Variants in SRL observed in about 807,000 individuals in gnomAD.
SRL encodes the protein sarcalumenin.
In SRL, 23 loss-of-function variants were observed where a neutral mutation model predicts 39.5. The ratio of observed to expected loss-of-function variants is 0.58; its 90% CI spans 0.42 to 0.82. The LOEUF (loss-of-function observed/expected upper bound fraction) is 0.82. Among genes scored for constraint, SRL ranks in the 40% least tolerant of loss-of-function variants. SRL has a pLI of 0.00. For missense variants in SRL, 592 were observed against 607.8 expected, an observed-to-expected ratio of 0.97 and a Z score of 0.27; for synonymous variants, 272 against 237.4, an observed-to-expected ratio of 1.15 and a Z score of -1.34.
chr16:4,230,381 A>AT (rs5815199), intron 1 of SRL, among the ~76,000 whole-genome samples: 4,565 of 138,804 alleles, frequency 0.033, 251 homozygotes, highest in African/African-American at 0.1. Context: ...TCAGAATGTG[A>AT]TTTTTTTTTT....
rs1555454445 is a variant in SRL, at chr16:4,204,407, A to AGAT, written c.163+123_163+125dup. On this transcript the variant is annotated intron_variant, in intron 2 of 5. Transcript: ENST00000399609. ...CAACGTCCCCTCCAGCCTCCAAGAT[A>AGAT]GATACAGCCCCGGCCTCCAAGATAC... The AGAT allele has an allele frequency of 2.7e-5, 19 of 702,332 alleles. 1 individual carries two copies. The highest frequency in any genetic ancestry group is 1.1e-4 in the African/African-American group (2 of 17,770). 43.5% of individuals were successfully genotyped at this position (702,332 alleles called of 1,614,324 possible). A position where few individuals can be genotyped will look rare whatever the true frequency, so the allele number is the denominator to read the frequency against.
Position 4,190,733 on chromosome 16 carries a change from G to GAA in SRL, c.*1418_*1419dup, listed in dbSNP as rs549469197. 9 of 354,210 alleles carry GAA rather than the reference G, an allele frequency of 2.5e-5. No individual in the cohort carries two copies. In the East Asian group the frequency reaches 3.7e-4, roughly 15 times the overall value. 21.9% of individuals were successfully genotyped at this position (354,210 alleles called of 1,614,324 possible). ...GGACATCTGCATCAAGGTCAGGCGG[G>GAA]AAGGTCAATGTTAAGCCTTGGTGGC... On this transcript the variant is annotated 3_prime_UTR_variant, in exon 6 of 6. Transcript: ENST00000399609.
At chr16:4,217,112 G>T (rs1202357318) in intron 1 of SRL, among the ~76,000 whole-genome samples, 1 of 152,158 alleles carries the variant, frequency 6.6e-6, no homozygotes, top group African/African-American at 2.4e-5. Flanking sequence ...TGGGAAATGG[G>T]TGTGACACCT....
chr16:4,218,342 G>C (rs146047355), intron 1 of SRL, among the ~76,000 whole-genome samples: 11 of 152,086 alleles, frequency 7.2e-5, no homozygotes, highest in Admixed American at 7.2e-4. Flanking sequence ...GACCGGTAAG[G>C]GCCCTTCAAA....
At chr16:4,215,900 G>A (rs923578128) in intron 1 of SRL, among the ~76,000 whole-genome samples, 13 of 152,128 alleles carry the variant, frequency 8.5e-5, no homozygotes, top group Admixed American at 3.3e-4. Context: ...GCTTGGCATG[G>A]TAGCGTGCGC....
intron 3 of SRL, among the ~76,000 whole-genome samples, chr16:4,201,941 A>G (rs1374866107): frequency 1.3e-5 from 2 of 152,024 alleles, no homozygotes; most frequent in East Asian, 3.9e-4. Flanking sequence ...GGTGTGAGCC[A>G]CCACGCCCGC....
At position 4,195,636 on chromosome 16, in the gene SRL, A is replaced by G; in HGVS notation, c.527T>C (p.Ile176Thr). The G allele has an allele frequency of 1.2e-6, 2 of 1,614,222 alleles. No individual in the cohort carries two copies. The highest frequency in any genetic ancestry group is 1.7e-6 in the Non-Finnish European group (2 of 1,180,040). The change falls in exon 5 of 6, where the codon ATT becomes ACT. Residue 176 changes from isoleucine to threonine, a missense_variant. Coordinates refer to ENST00000399609, the MANE Select transcript of SRL (RefSeq NM_001098814.2). The part of the protein sequence containing the change: ...GQNFLEKLIG[I>T]EVPHKLLERV... ...CTCCAGAAGTTTGTGGGGAACCTCA[A>G]TGCCAATCAGCTTCTCTAGGAAATT...
At chr16:4,220,310 A>ACAG (rs1567185112) in intron 1 of SRL, among the ~76,000 whole-genome samples, 2 of 49,192 alleles carry the variant, frequency 4.1e-5, no homozygotes, top group African/African-American at 1.9e-4. Flanking sequence ...CACACACACA[A>ACAG]ATAACCGGGT....
chr16:4,219,239 C>T (rs938482402), intron 1 of SRL, among the ~76,000 whole-genome samples: 7 of 152,244 alleles, frequency 4.6e-5, no homozygotes, highest in Admixed American at 2.6e-4. Flanking sequence ...CTCCTGACCC[C>T]GCAGCCGTAG....
chr16:4,216,990 TTAAAG>T (rs796821722), intron 1 of SRL, among the ~76,000 whole-genome samples: 2 of 152,114 alleles, frequency 1.3e-5, no homozygotes, highest in African/African-American at 4.8e-5. Context: ...CTATCCTGGG[TTAAAG>T]TCAGAGCCAT....
At chr16:4,200,709 C>A (rs145223585) in intron 3 of SRL, among the ~76,000 whole-genome samples, 9 of 152,290 alleles carry the variant, frequency 5.9e-5, no homozygotes, top group Non-Finnish European at 1.0e-4. Context: ...CAAAGGGGGG[C>A]GATAATTGGC....
chr16:4,216,835 G>A (rs1050826075), intron 1 of SRL, among the ~76,000 whole-genome samples: 1 of 152,190 alleles, frequency 6.6e-6, no homozygotes, highest in Non-Finnish European at 1.5e-5. Context: ...CAGGTGGCTG[G>A]CTTCCCCCCA....
intron 3 of SRL, among the ~76,000 whole-genome samples, chr16:4,201,116 A>T (rs544514588): frequency 2.7e-5 from 4 of 146,650 alleles, no homozygotes; most frequent in East Asian, 2.0e-4. Flanking sequence ...CAGGGTTCCA[A>T]TTTTTTTTTT....
chr16:4,195,657 A>G lies in SRL; in HGVS notation c.506T>C (p.Phe169Ser). 6.2e-7 allele frequency: 1 copy of G among 1,614,136 alleles called. No homozygotes were observed. The highest frequency in any genetic ancestry group is 2.2e-5 in the East Asian group (1 of 44,874). ...FSPLEKFGQN[F>S]LEKLIGIEVP... ...CTCAATGCCAATCAGCTTCTCTAGG[A>G]AATTCTGGCCAAACTTCTCAAGGGG... Residue 169 changes from phenylalanine (F) to serine (S), a missense_variant, in exon 5 of 6, where the codon TTC (phenylalanine) becomes TCC (serine). Phe to Ser is a radical substitution (Grantham distance 155). Coordinates refer to ENST00000399609, the MANE Select transcript of SRL (RefSeq NM_001098814.2).
intron 1 of SRL, among the ~76,000 whole-genome samples, chr16:4,221,072 G>C (rs142310213): frequency 6.7e-6 from 1 of 150,292 alleles, no homozygotes; most frequent in Non-Finnish European, 1.5e-5. Flanking sequence ...TTTTCGATAC[G>C]GAGTCTCACT....
chr16:4,217,988 T>C (rs978651968), intron 1 of SRL, among the ~76,000 whole-genome samples: 1 of 152,080 alleles, frequency 6.6e-6, no homozygotes, highest in African/African-American at 2.4e-5. Context: ...GCAGGGTGCC[T>C]GGGGGTGAGC....
At chr16:4,241,927 C>G (rs1426055423) in intron 1 of SRL, 80 bp downstream of exon 1, 1 of 1,535,474 alleles carries the variant, frequency 6.5e-7, no homozygotes, top group African/African-American at 1.4e-5. Context: ...CGACCCCCTA[C>G]CCAACCCATG....
intron 1 of SRL, among the ~76,000 whole-genome samples, chr16:4,224,082 G>A (rs1242574844): frequency 1.3e-5 from 2 of 151,964 alleles, no homozygotes; most frequent in Non-Finnish European, 1.5e-5. Flanking sequence ...AGCTGCCCAG[G>A]GAGCACAGTG....
chr16:4,201,421 C>T (rs2052228092), intron 3 of SRL, among the ~76,000 whole-genome samples: 1 of 151,722 alleles, frequency 6.6e-6, no homozygotes, highest in African/African-American at 2.4e-5. Flanking sequence ...GGATTATAGG[C>T]ACCCACCACC....
Sources: gnomAD v4.1 joint callset for allele counts (sites outside exome capture counted in the v4.1 genomes callset) on GRCh38, gnomAD v4.1.1 for gene constraint, MANE v1.5 for transcripts, NCBI Gene and HGNC (gene_info 2026-07-23, HGNC 2026-07-21) for gene names.